The following TACR3 variants were observed in gnomAD, a reference collection of about 807,000 sequenced individuals.
TACR3 encodes neuromedin-K receptor.
TACR3 carries 34 observed loss-of-function variants against 35.0 expected under a neutral mutation model. That is an observed-to-expected ratio of 0.97 (90% CI 0.74 to 1.30). The LOEUF is 1.30. TACR3 is among the 50% of genes most tolerant of loss of function. TACR3 has a pLI of 0.00. For synonymous variants in TACR3, 233 were observed against 221.1 expected, an observed-to-expected ratio of 1.05 and a Z score of -0.48; for missense variants, 558 against 591.7, an observed-to-expected ratio of 0.94 and a Z score of 0.59.
At chr4:103,602,265 G>T (rs535413004) in intron 3 of TACR3, among the ~76,000 whole-genome samples, 1 of 152,108 alleles carries the variant, frequency 6.6e-6, no homozygotes, top group South Asian at 2.1e-4. Context: ...CTCTGCATTG[G>T]TTATTCTAGT....
chr4:103,674,237 C>T (rs1004519206), intron 1 of TACR3, among the ~76,000 whole-genome samples: 4 of 151,632 alleles, frequency 2.6e-5, no homozygotes, highest in Admixed American at 2.6e-4. Flanking sequence ...TCAGATTACA[C>T]AGTTTCTATG....
chr4:103,601,102 G>T (rs1010297218), intron 3 of TACR3, among the ~76,000 whole-genome samples: 1 of 152,270 alleles, frequency 6.6e-6, no homozygotes, highest in South Asian at 2.1e-4. Flanking sequence ...AAGTCTCTTT[G>T]TTGGTCGCTA....
chr4:103,696,149 A>T (rs1722516517), intron 1 of TACR3, among the ~76,000 whole-genome samples: 1 of 152,152 alleles, frequency 6.6e-6, no homozygotes, highest in South Asian at 2.1e-4. Context: ...TACCAAACTT[A>T]GGCAATTAGG....
chr4:103,719,199 G>A lies in TACR3; in HGVS notation c.477C>T (p.Arg159=). 6.2e-7 allele frequency: 1 copy of A among 1,614,212 alleles called. No individual in the cohort carries two copies. Among genetic ancestry groups the A allele is most frequent in the Non-Finnish European group, 8.5e-7 (1 of 1,180,038 alleles). Residue 159 remains arginine, a synonymous_variant, in exon 1 of 5, where the codon CGC becomes CGT. Transcript: ENST00000304883. ...CTGTGATAGGAAAGAAGTTCTGGAA[G>A]CGGCAGTAGTTGGCGCCAAAGTACC... ...SEWYFGANYC[R]FQNFFPITAV...
chr4:103,640,887 C>T (rs1476928126), intron 3 of TACR3, among the ~76,000 whole-genome samples: 2 of 151,876 alleles, frequency 1.3e-5, no homozygotes, highest in Non-Finnish European at 2.9e-5. Flanking sequence ...TTTTCTTTGC[C>T]ATGCAGAAGA....
intron 3 of TACR3, among the ~76,000 whole-genome samples, chr4:103,622,645 C>T (rs1014224203): frequency 6.6e-6 from 1 of 152,114 alleles, no homozygotes; most frequent in African/African-American, 2.4e-5. Flanking sequence ...AGGAGAATGG[C>T]GTGAACCCGG....
At chr4:103,698,549 TC>T (rs1205374555) in intron 1 of TACR3, among the ~76,000 whole-genome samples, 1 of 152,002 alleles carries the variant, frequency 6.6e-6, no homozygotes, top group Non-Finnish European at 1.5e-5. Flanking sequence ...TTCTTTTTTT[TC>T]TTTTTTTGGT....
intron 3 of TACR3, among the ~76,000 whole-genome samples, chr4:103,601,310 C>T (rs1205468821): frequency 6.6e-6 from 1 of 151,956 alleles, no homozygotes; most frequent in Non-Finnish European, 1.5e-5. Flanking sequence ...TTCCTGAATA[C>T]AGCACACTGA....
In TACR3 at chr4:103,719,700, C is replaced by G. The variant is rs770650526; in HGVS notation, c.-25G>C. 2 of 1,604,574 alleles carry G rather than the reference C, an allele frequency of 1.2e-6. No homozygotes were observed. The highest frequency in any genetic ancestry group is 3.3e-5 in the Admixed American group (2 of 60,012). The stretch of plus-strand genomic sequence containing the variant: ...TCGCCACCGGTCTGCAGTCCCGGAC[C>G]CTCCCACTCACCCACGGGCAGCCCA... On this transcript the variant is annotated 5_prime_UTR_variant, in exon 1 of 5. Coordinates refer to ENST00000304883, the MANE Select transcript of TACR3 (RefSeq NM_001059.3).
chr4:103,644,517 G>A (rs184677686), intron 3 of TACR3, among the ~76,000 whole-genome samples: 4 of 151,486 alleles, frequency 2.6e-5, no homozygotes, highest in African/African-American at 7.3e-5. Flanking sequence ...TTGATTCATC[G>A]GTCAAAATAA....
chr4:103,600,819 G>A (rs1324163856), intron 3 of TACR3, among the ~76,000 whole-genome samples: 1 of 152,170 alleles, frequency 6.6e-6, no homozygotes, highest in Admixed American at 6.6e-5. Context: ...ACTGTGGTCT[G>A]AGAGACAGTT....
chr4:103,614,834 T>TAATC (rs1320588595), intron 3 of TACR3, among the ~76,000 whole-genome samples: 1 of 150,682 alleles, frequency 6.6e-6, no homozygotes, highest in Non-Finnish European at 1.5e-5. Flanking sequence ...TGCTAATTTA[T>TAATC]AATCATATTT....
chr4:103,680,775 G>A (rs1209551739), intron 1 of TACR3, among the ~76,000 whole-genome samples: 1 of 151,488 alleles, frequency 6.6e-6, no homozygotes, highest in African/African-American at 2.4e-5. Context: ...TCACCATGAG[G>A]ATCTTTTAAA....
intron 3 of TACR3, among the ~76,000 whole-genome samples, chr4:103,633,598 T>C (rs1725116624): frequency 6.6e-6 from 1 of 152,098 alleles, no homozygotes; most frequent in African/African-American, 2.4e-5. Context: ...AAGTCCACTG[T>C]ACCATTTTTA....
intron 3 of TACR3, among the ~76,000 whole-genome samples, chr4:103,625,161 T>C (rs1724862323): frequency 6.6e-6 from 1 of 152,132 alleles, no homozygotes; most frequent in Admixed American, 6.5e-5. Context: ...ATTAAGGACA[T>C]ATGAAAAAAT....
chr4:103,713,477 TG>T (rs374373953), intron 1 of TACR3, among the ~76,000 whole-genome samples: 11,711 of 74,430 alleles, frequency 0.16, 838 homozygotes, highest in East Asian at 0.46. Flanking sequence ...TGTCATGGGG[TG>T]GGGGGAGGGG....
rs1725768950 is a variant in TACR3 at position 103,658,146 on chromosome 4, G to C, written c.737+69C>G. ...GAAATGTCAGTCTTATTTAATTGTT[G>C]CTCCTAATCTGTAGTTTCCTAAATG... On this transcript the variant is annotated intron_variant, in intron 2 of 4. Transcript: ENST00000304883. The C allele has an allele frequency of 8.3e-6, 12 of 1,449,934 alleles. No homozygotes were observed. The East Asian group carries it at 2.7e-4, about 33-fold the overall frequency. The allele number at this position is 1,449,934 out of a possible 1,614,324, so 89.8% of individuals were successfully genotyped here. A position where few individuals can be genotyped will look rare whatever the true frequency, so the allele number is the denominator to read the frequency against.
intron 2 of TACR3, among the ~76,000 whole-genome samples, chr4:103,657,783 G>A (rs966111921): frequency 2.6e-5 from 4 of 151,844 alleles, no homozygotes; most frequent in African/African-American, 9.7e-5. Flanking sequence ...ACAAGCAAAA[G>A]AACACAAACC....
At chr4:103,660,421 G>T (rs1725816604) in intron 1 of TACR3, among the ~76,000 whole-genome samples, 1 of 151,960 alleles carries the variant, frequency 6.6e-6, no homozygotes, top group South Asian at 2.1e-4. Context: ...AATAATGCAA[G>T]ATAAAGAAGT....
Sources: allele counts gnomAD v4.1 joint callset (sites outside exome capture counted in the v4.1 genomes callset), GRCh38; gene constraint gnomAD v4.1.1; transcripts MANE v1.5; gene names NCBI Gene and HGNC (gene_info 2026-07-23, HGNC 2026-07-21).